Variants in NFE2 observed in about 807,000 individuals in gnomAD.
NFE2 encodes the protein nuclear factor, erythroid 2.
Under a neutral mutation model 25.8 loss-of-function variants are expected in NFE2, and 13 were observed. That is an observed-to-expected ratio of 0.50 (90% CI 0.33 to 0.80). The LOEUF (loss-of-function observed/expected upper bound fraction) is 0.80, where lower values mean the gene tolerates loss of function less well. Among genes scored for constraint, NFE2 ranks in the 30% least tolerant of loss-of-function variants. The probability of loss-of-function intolerance (pLI) is 0.02; values close to 1 mark genes in which losing one functional copy is unlikely to be tolerated. For synonymous variants in NFE2, 204 were observed against 200.2 expected (o/e 1.02, Z -0.16); for missense variants, 382 against 478.9 (o/e 0.80, Z 1.89).
Position 54,292,467 on chromosome 12 carries a change from G to T in NFE2, c.1029C>A (p.Asn343Lys), listed in dbSNP as rs772518460. The change falls in exon 3 of 3, where the codon AAC (asparagine) becomes AAA (lysine). Residue 343 changes from asparagine (N) to lysine (K), a missense_variant. Asn to Lys is a moderately conservative substitution (Grantham distance 94). Transcript: ENST00000435572. ...GCGCGTACTCTTCAGGAGAGTAGCT[G>T]TTGCCTGATTCATCCCGAAGGTGCT... The part of the protein sequence containing the change: ...IFQHLRDESG[N>K]SYSPEEYALQ... 4 of 1,614,086 alleles carry T rather than the reference G, an allele frequency of 2.5e-6. No homozygotes were observed. In the African/African-American group the frequency reaches 5.3e-5, roughly 22 times the overall value.
At chr12:54,295,336 C>T (rs562424824) in intron 1 of NFE2, 32 bp from the exon 2 acceptor site, 30 of 1,072,868 alleles carry the variant, frequency 2.8e-5, no homozygotes, top group Non-Finnish European at 4.2e-5. Context: ...GTTAGAGCTA[C>T]ACCTGCTAGG....
intron 1 of NFE2, among the ~76,000 whole-genome samples, chr12:54,298,375 C>T (rs899645142): frequency 2.6e-5 from 4 of 151,774 alleles, no homozygotes; most frequent in African/African-American, 9.7e-5. Flanking sequence ...GGCATGGTGG[C>T]GCATGCCTGT....
In NFE2 at chr12:54,292,270, T is replaced by C; in HGVS notation, c.*104A>G. ...ACTTGTTGCCATTGTCATCCTCTTC[T>C]GGTCTAGAGAACTCAGCTCCTTCTG... On this transcript the variant is annotated 3_prime_UTR_variant, in exon 3 of 3. Transcript: ENST00000435572. 3.3e-6 allele frequency: 4 copies of C among 1,200,898 alleles called. No individual in the cohort carries two copies. Among genetic ancestry groups the C allele is most frequent in the Non-Finnish European group, 4.7e-6 (4 of 854,110 alleles). 74.4% of individuals were successfully genotyped at this position (1,200,898 alleles called of 1,614,324 possible). A position where few individuals can be genotyped will look rare whatever the true frequency, so the allele number is the denominator to read the frequency against.
Position 54,293,985 on chromosome 12 carries a change from C to T in NFE2, c.115-604G>A, listed in dbSNP as rs751709593. Among the ~76,000 whole-genome samples the T allele has an allele frequency of 4.0e-5, 6 of 150,782 alleles. No individual in the cohort carries two copies. The South Asian group carries it at 8.4e-4, about 21-fold the overall frequency. On this transcript the variant is annotated intron_variant, in intron 2 of 2. Coordinates refer to ENST00000435572, the MANE Select transcript of NFE2 (RefSeq NM_001136023.3). ...TTACTGGGTTGAAATGGCTCATGTT[C>T]GGCCAGGCATGGTGGCTCAGGCCTG...
chr12:54,296,864 C>T (rs1944376593), intron 1 of NFE2, among the ~76,000 whole-genome samples: 1 of 152,080 alleles, frequency 6.6e-6, no homozygotes, highest in Non-Finnish European at 1.5e-5. Flanking sequence ...TCTCAGCAAA[C>T]CCTCACCCGT....
chr12:54,292,294 T>G lies in NFE2; in HGVS notation c.*80A>C. On this transcript the variant is annotated 3_prime_UTR_variant, in exon 3 of 3. Coordinates refer to ENST00000435572, the MANE Select transcript of NFE2 (RefSeq NM_001136023.3). Reference sequence around the variant, plus strand: ...CTGGTCTAGAGAACTCAGCTCCTTCTGGGACTCAGGGTTGGGGAGTACCTT... The same window carrying G: ...CTGGTCTAGAGAACTCAGCTCCTTCGGGGACTCAGGGTTGGGGAGTACCTT... The G allele has an allele frequency of 6.8e-7, 1 of 1,470,598 alleles. No individual in the cohort carries two copies. Among genetic ancestry groups the G allele is most frequent in the Non-Finnish European group, 9.3e-7 (1 of 1,078,314 alleles). The allele number at this position is 1,470,598 out of a possible 1,614,324, so 91.1% of individuals were successfully genotyped here. A position where few individuals can be genotyped will look rare whatever the true frequency, so the allele number is the denominator to read the frequency against.
intron 1 of NFE2, chr12:54,300,168 CT>C (rs1366056645): frequency 1.3e-5 from 2 of 152,276 alleles, no homozygotes; most frequent in African/African-American, 4.8e-5. Flanking sequence ...TCTTCCACTG[CT>C]TCCCAAGCCC....
chr12:54,298,777 G>A (rs1944397395), intron 1 of NFE2, among the ~76,000 whole-genome samples: 1 of 151,696 alleles, frequency 6.6e-6, no homozygotes, highest in Non-Finnish European at 1.5e-5. Context: ...GTGGCCAGGT[G>A]TGGTGGCTCA....
chr12:54,292,831 G>A lies in NFE2; in HGVS notation c.665C>T (p.Ala222Val). 1 of 1,614,186 alleles carries A rather than the reference G, an allele frequency of 6.2e-7. No individual in the cohort carries two copies. Among genetic ancestry groups the A allele is most frequent in the Non-Finnish European group, 8.5e-7 (1 of 1,180,022 alleles). Residue 222 changes from alanine to valine, a missense_variant, in exon 3 of 3, where the codon GCA becomes GTA. By Grantham distance (64) the Ala-to-Val change is moderately conservative (BLOSUM62 0). Transcript: ENST00000435572. ...GGCCCGACGTTCATCCCGACTCCCTGCCTCCCCCCGTGCAGTGGGCTTAGC... is the reference window on the plus strand; with the variant it reads ...GGCCCGACGTTCATCCCGACTCCCTACCTCCCCCCGTGCAGTGGGCTTAGC... ...VRAKPTARGE[A>V]GSRDERRALA...
Position 54,295,227 on chromosome 12 carries a change from G to T in NFE2, c.22C>A (p.Gln8Lys). 6.2e-7 allele frequency: 1 copy of T among 1,614,098 alleles called. No individual in the cohort carries two copies. Among genetic ancestry groups the T allele is most frequent in the Non-Finnish European group, 8.5e-7 (1 of 1,179,974 alleles). MSPCPPQQSRNRVIQLST... is the reference protein window; with the variant it reads MSPCPPQKSRNRVIQLST... ...AGCTGTATCACCCTGTTCCTGCTCT[G>T]CTGGGGAGGACACGGGGACATCCTA... Residue 8 changes from glutamine to lysine, a missense_variant, in exon 2 of 3, where the codon CAG becomes AAG. By Grantham distance (53) the Gln-to-Lys change is moderately conservative. Transcript: ENST00000435572.
At position 54,292,646 on chromosome 12, in the gene NFE2, G is replaced by A; in HGVS notation, c.850C>T (p.Arg284Cys). The change falls in exon 3 of 3, where the codon CGC (arginine) becomes TGC (cysteine). Residue 284 changes from arginine (R) to cysteine (C), a missense_variant. Coordinates refer to ENST00000435572, the MANE Select transcript of NFE2 (RefSeq NM_001136023.3). ...GKNKVAAQNC[R>C]KRKLETIVQL... Reference sequence around the variant, plus strand: ...ACAATGGTTTCCAGCTTCCTCTTGCGGCAGTTCTGGGCTGCCACCTTGTTT... The same window carrying A: ...ACAATGGTTTCCAGCTTCCTCTTGCAGCAGTTCTGGGCTGCCACCTTGTTT... The A allele has an allele frequency of 6.2e-7, 1 of 1,614,178 alleles. No homozygotes were observed. The highest frequency in any genetic ancestry group is 8.5e-7 in the Non-Finnish European group (1 of 1,180,038).
Position 54,293,208 on chromosome 12 carries a change from T to A in NFE2, c.288A>T (p.Pro96=). 6.2e-7 allele frequency: 1 copy of A among 1,600,636 alleles called. No individual in the cohort carries two copies. Among genetic ancestry groups the A allele is most frequent in the Admixed American group, 1.7e-5 (1 of 58,714 alleles). ...GTATGGCCATGTTGCCATAGGAGTATGGGGGATCTGGGACATGGGATGTGG... is the reference window on the plus strand; with the variant it reads ...GTATGGCCATGTTGCCATAGGAGTAAGGGGGATCTGGGACATGGGATGTGG... ...PASTSHVPDP[P]YSYGNMAIPV... is the part of the protein sequence containing the mutation. Residue 96 remains proline, a synonymous_variant, in exon 3 of 3, where the codon CCA becomes CCT. Coordinates refer to ENST00000435572, the MANE Select transcript of NFE2 (RefSeq NM_001136023.3).
At position 54,295,252 on chromosome 12, in the gene NFE2, A is replaced by G. The variant is rs765375255; in HGVS notation, c.-4T>C. ...GCTGGGGAGGACACGGGGACATCCT[A>G]CTGGGCCAGAGTCTGGTCCAGGTTC... is the stretch of plus-strand genomic sequence containing the variant. On this transcript the variant is annotated 5_prime_UTR_variant, in exon 2 of 3. Transcript: ENST00000435572. The G allele has an allele frequency of 5.0e-5, 81 of 1,612,588 alleles. No individual in the cohort carries two copies. The highest frequency in any genetic ancestry group is 6.3e-5 in the Non-Finnish European group (74 of 1,178,918).
chr12:54,299,573 C>G (rs975197647), intron 1 of NFE2, among the ~76,000 whole-genome samples: 9 of 152,176 alleles, frequency 5.9e-5, no homozygotes, highest in African/African-American at 2.2e-4. Flanking sequence ...TTACTCTTAG[C>G]CTGGTGGTCC....
At position 54,292,759 on chromosome 12, in the gene NFE2, G is replaced by A. The variant is rs1187574732; in HGVS notation, c.737C>T (p.Pro246Leu). The A allele has an allele frequency of 6.2e-7, 1 of 1,614,178 alleles. No homozygotes were observed. Among genetic ancestry groups the A allele is most frequent in the Non-Finnish European group, 8.5e-7 (1 of 1,180,018 alleles). ...PFPTDKIVNL[P>L]VDDFNELLAR... ...CAATAGCTCATTAAAGTCATCTACC[G>A]GCAAGTTGACAATCTTGTCCGTAGG... Residue 246 changes from proline (P) to leucine (L), a missense_variant, in exon 3 of 3, where the codon CCG (proline) becomes CTG (leucine). By Grantham distance (98) the Pro-to-Leu change is moderately conservative (BLOSUM62 -3). Transcript: ENST00000435572.
At chr12:54,299,442 T>C (rs906540407) in intron 1 of NFE2, among the ~76,000 whole-genome samples, 1 of 152,198 alleles carries the variant, frequency 6.6e-6, no homozygotes, top group Non-Finnish European at 1.5e-5. Context: ...AGTTTAGCTT[T>C]TGCATTTTGG....
chr12:54,293,779 G>C (rs1221405683), intron 2 of NFE2, among the ~76,000 whole-genome samples: 2 of 152,046 alleles, frequency 1.3e-5, no homozygotes, highest in African/African-American at 4.8e-5. Flanking sequence ...AACCCCGGAG[G>C]TGGAGGTTGA....
chr12:54,300,715 C>G (rs1944415640), intron 1 of NFE2, 86 bp downstream of exon 1: 1 of 149,912 alleles, frequency 6.7e-6, no homozygotes, highest in Non-Finnish European at 1.5e-5. Flanking sequence ...TGGTTATTTT[C>G]CCCCCTCACC....
Position 54,293,226 on chromosome 12 carries a change from G to A in NFE2, c.270C>T (p.Ser90=). ...AGGAGTATGGGGGATCTGGGACATGGGATGTGGATGCTGGGAGCTCATAAG... is the reference window on the plus strand; with the variant it reads ...AGGAGTATGGGGGATCTGGGACATGAGATGTGGATGCTGGGAGCTCATAAG... ...PPPYELPAST[S]HVPDPPYSYG... Residue 90 remains serine (S), a synonymous_variant, in exon 3 of 3, where the codon TCC becomes TCT. Coordinates refer to ENST00000435572, the MANE Select transcript of NFE2 (RefSeq NM_001136023.3). 6.2e-7 allele frequency: 1 copy of A among 1,608,936 alleles called. No individual in the cohort carries two copies. The highest frequency in any genetic ancestry group is 1.1e-5 in the South Asian group (1 of 90,186).
Sources: gnomAD v4.1 joint callset for allele counts (sites outside exome capture counted in the v4.1 genomes callset) on GRCh38, gnomAD v4.1.1 for gene constraint, MANE v1.5 for transcripts, NCBI Gene and HGNC (gene_info 2026-07-23, HGNC 2026-07-21) for gene names.